Variants in PRKG2 observed in about 807,000 individuals in gnomAD.
PRKG2 encodes the protein protein kinase cGMP-dependent 2, also known as cGMP-dependent protein kinase 2.
A neutral mutation model predicts 97.2 loss-of-function variants in PRKG2; 33 were observed. The observed-to-expected ratio is 0.34, with a 90% CI of 0.26 to 0.45. The LOEUF (loss-of-function observed/expected upper bound fraction) is 0.45. PRKG2 is among the 20% of genes least tolerant of loss of function. The pLI, the probability that PRKG2 is intolerant of heterozygous loss-of-function variation, is 1.00. For synonymous variants in PRKG2, 330 were observed against 321.8 expected (o/e 1.03, Z -0.27); for missense variants, 638 against 900.0 (o/e 0.71, Z 3.73).
At chr4:81,207,121 G>T (rs1164919447) in intron 1 of PRKG2, among the ~76,000 whole-genome samples, 2 of 152,166 alleles carry the variant, frequency 1.3e-5, no homozygotes, top group Non-Finnish European at 2.9e-5. Flanking sequence ...GGACATACTT[G>T]TACCTTGAAT....
At chr4:81,150,000 T>TA (rs1321743855) in intron 8 of PRKG2, among the ~76,000 whole-genome samples, 2 of 152,162 alleles carry the variant, frequency 1.3e-5, no homozygotes, top group Non-Finnish European at 2.9e-5. Flanking sequence ...GGGTCCTTGT[T>TA]AGAAGATATC....
intron 6 of PRKG2, among the ~76,000 whole-genome samples, chr4:81,158,927 A>T (rs1375144098): frequency 7.5e-6 from 1 of 132,700 alleles, no homozygotes; most frequent in Non-Finnish European, 1.5e-5. Context: ...CCCTTCCTTA[A>T]TCCCTTCCTT....
At chr4:81,198,106 C>T (rs1445699018) in intron 2 of PRKG2, among the ~76,000 whole-genome samples, 1 of 152,212 alleles carries the variant, frequency 6.6e-6, no homozygotes, top group Non-Finnish European at 1.5e-5. Context: ...CTACTCAAAA[C>T]AATTAGCCTT....
chr4:81,196,818 CAACT>C (rs1286443965), intron 2 of PRKG2, among the ~76,000 whole-genome samples: 1 of 151,014 alleles, frequency 6.6e-6, no homozygotes, highest in African/African-American at 2.5e-5. Flanking sequence ...TTAAAATCTA[CAACT>C]AACAAATACC....
chr4:81,146,888 T>G (rs1192030773), intron 9 of PRKG2, among the ~76,000 whole-genome samples: 5 of 152,196 alleles, frequency 3.3e-5, no homozygotes, highest in African/African-American at 1.2e-4. Context: ...TAATTTATCA[T>G]CCAAGCTGGA....
intron 9 of PRKG2, among the ~76,000 whole-genome samples, chr4:81,145,613 C>T (rs1360212519): frequency 1.3e-5 from 2 of 152,020 alleles, no homozygotes; most frequent in Non-Finnish European, 2.9e-5. Flanking sequence ...AGTCCTATGC[C>T]CTTGAGAAAA....
intron 2 of PRKG2, among the ~76,000 whole-genome samples, chr4:81,178,005 G>A (rs1751085201): frequency 6.7e-6 from 1 of 149,752 alleles, no homozygotes; most frequent in African/African-American, 2.4e-5. Context: ...CATGAAGTGG[G>A]ATGATAGGAT....
At chr4:81,201,638 C>T (rs2110126148) in intron 2 of PRKG2, among the ~76,000 whole-genome samples, 1 of 152,260 alleles carries the variant, frequency 6.6e-6, no homozygotes, top group Middle Eastern at 3.4e-3. Flanking sequence ...TATCTAAGCA[C>T]AGGTACCTTA....
chr4:81,163,934 G>A (rs185013780), intron 6 of PRKG2, among the ~76,000 whole-genome samples: 4 of 152,026 alleles, frequency 2.6e-5, no homozygotes, highest in East Asian at 1.9e-4. Context: ...TGTACCAAGT[G>A]TGTCGGTTAA....
intron 5 of PRKG2, among the ~76,000 whole-genome samples, chr4:81,168,712 A>G (rs1289525570): frequency 2.6e-5 from 4 of 152,102 alleles, no homozygotes; most frequent in African/African-American, 9.7e-5. Flanking sequence ...GCCAGGAGAC[A>G]TTATTGTCTC....
intron 2 of PRKG2, among the ~76,000 whole-genome samples, chr4:81,194,598 T>C (rs999242876): frequency 1.4e-5 from 2 of 138,330 alleles, no homozygotes; most frequent in African/African-American, 7.0e-5. Context: ...ACAAAACATT[T>C]CTCTCTCTCT....
At chr4:81,130,315 T>A (rs1387803477) in intron 14 of PRKG2, among the ~76,000 whole-genome samples, 3 of 152,168 alleles carry the variant, frequency 2.0e-5, no homozygotes, top group Non-Finnish European at 2.9e-5. Context: ...TATTACCAGG[T>A]GAGGCTGCAG....
chr4:81,120,508 TA>T (rs1744974827), intron 14 of PRKG2, among the ~76,000 whole-genome samples: 1 of 152,258 alleles, frequency 6.6e-6, no homozygotes, highest in African/African-American at 2.4e-5. Flanking sequence ...TCATAGATCT[TA>T]CATATATTTT....
At chr4:81,192,900 A>G (rs561291207) in intron 2 of PRKG2, among the ~76,000 whole-genome samples, 1 of 152,280 alleles carries the variant, frequency 6.6e-6, no homozygotes, top group South Asian at 2.1e-4. Flanking sequence ...ACATTTCTTG[A>G]AGCAATAAAT....
intron 1 of PRKG2, 116 bp from the exon 2 acceptor site, chr4:81,205,176 T>G (rs970991540): frequency 4.6e-6 from 3 of 652,158 alleles, no homozygotes; most frequent in Non-Finnish European, 7.4e-6. Context: ...CTTCATTGTT[T>G]GAAAAGCAAT....
chr4:81,183,539 G>A (rs190606240), intron 2 of PRKG2, among the ~76,000 whole-genome samples: 1 of 152,232 alleles, frequency 6.6e-6, no homozygotes, highest in Non-Finnish European at 1.5e-5. Context: ...CAGGGCCCTG[G>A]GTTTCAAGCA....
At chr4:81,120,511 A>T (rs1261018125) in intron 14 of PRKG2, among the ~76,000 whole-genome samples, 1 of 152,086 alleles carries the variant, frequency 6.6e-6, no homozygotes, top group Non-Finnish European at 1.5e-5. Context: ...TAGATCTTAC[A>T]TATATTTTGT....
At chr4:81,217,292 C>T (rs952327408), upstream of PRKG2, among the ~76,000 whole-genome samples, 8 of 152,072 alleles carry the variant, frequency 5.3e-5, no homozygotes, top group African/African-American at 1.2e-4. Context: ...AGAGTATGCA[C>T]GCACACTGGG....
chr4:81,103,721 C>T (rs1743040683), intron 17 of PRKG2, among the ~76,000 whole-genome samples: 1 of 151,980 alleles, frequency 6.6e-6, no homozygotes, highest in African/African-American at 2.4e-5. Flanking sequence ...ATATGTACAG[C>T]TAGTATAGAT....
Sources: allele counts gnomAD v4.1 joint callset (sites outside exome capture counted in the v4.1 genomes callset), GRCh38; gene constraint gnomAD v4.1.1; transcripts MANE v1.5; gene names NCBI Gene and HGNC (gene_info 2026-07-23, HGNC 2026-07-21).